DCC: variants seen among roughly 807,000 people sequenced by gnomAD.
DCC encodes netrin receptor DCC.
A neutral mutation model predicts 172.5 loss-of-function variants in DCC; 58 were observed. The observed-to-expected ratio is 0.34, with a 90% CI of 0.27 to 0.42. The LOEUF (loss-of-function observed/expected upper bound fraction) is 0.42, where lower values mean the gene tolerates loss of function less well. Among genes scored for constraint, DCC ranks in the 10% least tolerant of loss-of-function variants. The probability of loss-of-function intolerance (pLI) is 1.00; values close to 1 mark genes in which losing one functional copy is unlikely to be tolerated. For missense variants in DCC, 1,740 were observed against 1,791.0 expected (o/e 0.97, Z 0.51); for synonymous variants, 709 against 644.5 (o/e 1.10, Z -1.52).
At chr18:52,696,949 A>G (rs1032879808) in intron 1 of DCC, among the ~76,000 whole-genome samples, 1 of 152,192 alleles carries the variant, frequency 6.6e-6, no homozygotes, top group South Asian at 2.1e-4. Context: ...GGGACCAAGT[A>G]TCTGCTGCAC....
chr18:52,396,281 A>AACCCCCCCCCCCC (rs1568149503), intron 1 of DCC, among the ~76,000 whole-genome samples: 2 of 114,298 alleles, frequency 1.7e-5, no homozygotes, highest in Admixed American at 1.0e-4. Context: ...CCTGCACCAC[A>AACCCCCCCCCCCC]CCCCCCCCCC....
chr18:52,365,363 T>C (rs1325925458), intron 1 of DCC, among the ~76,000 whole-genome samples: 2 of 152,254 alleles, frequency 1.3e-5, no homozygotes, highest in Non-Finnish European at 2.9e-5. Context: ...CCTTGAAAAC[T>C]GTTTAATGAA....
At chr18:53,139,949 C>T (rs1047171058) in intron 7 of DCC, among the ~76,000 whole-genome samples, 2 of 152,120 alleles carry the variant, frequency 1.3e-5, no homozygotes, top group South Asian at 2.1e-4. Flanking sequence ...AAAAGGCAGA[C>T]GGTATTTATC....
intron 1 of DCC, among the ~76,000 whole-genome samples, chr18:52,575,561 T>C (rs1034846698): frequency 6.6e-6 from 1 of 152,182 alleles, no homozygotes; most frequent in Non-Finnish European, 1.5e-5. Flanking sequence ...CTAAACATGA[T>C]TTCCTACCAT....
At chr18:52,819,429 T>G (rs1453578802) in intron 2 of DCC, among the ~76,000 whole-genome samples, 1 of 152,234 alleles carries the variant, frequency 6.6e-6, no homozygotes, top group African/African-American at 2.4e-5. Flanking sequence ...ATTACATAAA[T>G]TAGCTGAAAA....
chr18:53,084,152 G>A (rs1412426417), intron 7 of DCC, among the ~76,000 whole-genome samples: 1 of 152,172 alleles, frequency 6.6e-6, no homozygotes. Flanking sequence ...TTCTGGTGAA[G>A]GCTCTTTACA....
At chr18:52,832,937 T>C (rs2038643389) in intron 2 of DCC, among the ~76,000 whole-genome samples, 1 of 152,096 alleles carries the variant, frequency 6.6e-6, no homozygotes, top group Non-Finnish European at 1.5e-5. Context: ...AAATTTAAAA[T>C]GTACATATTA....
intron 22 of DCC, among the ~76,000 whole-genome samples, chr18:53,438,322 A>G (rs1184828889): frequency 1.3e-5 from 2 of 152,248 alleles, no homozygotes; most frequent in East Asian, 3.8e-4. Flanking sequence ...TATGAGGCTT[A>G]AAGCTTGGGC....
At chr18:52,685,653 TG>T (rs2035819156) in intron 1 of DCC, among the ~76,000 whole-genome samples, 1 of 152,086 alleles carries the variant, frequency 6.6e-6, no homozygotes, top group Non-Finnish European at 1.5e-5. Flanking sequence ...TCTCTGGCCA[TG>T]GGAAATAGCA....
At chr18:53,435,835 T>C (rs1911907270) in intron 22 of DCC, among the ~76,000 whole-genome samples, 2 of 152,170 alleles carry the variant, frequency 1.3e-5, no homozygotes, top group Admixed American at 6.5e-5. Flanking sequence ...GGGGCTGCAT[T>C]CCAGGATCTT....
At chr18:53,168,151 T>C (rs2054952616) in intron 8 of DCC, among the ~76,000 whole-genome samples, 1 of 152,156 alleles carries the variant, frequency 6.6e-6, no homozygotes, top group South Asian at 2.1e-4. Flanking sequence ...TGGAAGACGG[T>C]GTAGCGATTC....
chr18:53,163,216 G>T (rs537361576), intron 8 of DCC, among the ~76,000 whole-genome samples: 320 of 152,254 alleles, frequency 2.1e-3, no homozygotes, highest in African/African-American at 7.5e-3. Context: ...AAACTGATCA[G>T]AACTGATATG....
intron 1 of DCC, among the ~76,000 whole-genome samples, chr18:52,343,100 C>T (rs536452310): frequency 6.6e-6 from 1 of 152,276 alleles, no homozygotes; most frequent in African/African-American, 2.4e-5. Flanking sequence ...GCAAGTGAGT[C>T]GTGATGCAGT....
chr18:52,644,367 A>G (rs1209199233), intron 1 of DCC, among the ~76,000 whole-genome samples: 2 of 152,162 alleles, frequency 1.3e-5, no homozygotes, highest in African/African-American at 2.4e-5. Context: ...TCATGAGGTC[A>G]GGAGATCGAG....
chr18:52,998,977 A>G (rs2041524367), intron 5 of DCC, among the ~76,000 whole-genome samples: 1 of 152,056 alleles, frequency 6.6e-6, no homozygotes, highest in Non-Finnish European at 1.5e-5. Flanking sequence ...ACTAAAAGGG[A>G]GTGTGGACAA....
chr18:53,001,285 T>G (rs1187671453), intron 5 of DCC, among the ~76,000 whole-genome samples: 1 of 152,098 alleles, frequency 6.6e-6, no homozygotes, highest in Non-Finnish European at 1.5e-5. Flanking sequence ...GTTCATAAGT[T>G]TGTCTAAAAG....
chr18:53,308,509 T>C (rs997534637), intron 13 of DCC, among the ~76,000 whole-genome samples: 36 of 152,178 alleles, frequency 2.4e-4, no homozygotes, highest in Admixed American at 2.0e-3. Context: ...TTCCCACTAA[T>C]GCTAACTCAA....
At chr18:53,095,204 T>C (rs144741977) in intron 7 of DCC, among the ~76,000 whole-genome samples, 1 of 152,336 alleles carries the variant, frequency 6.6e-6, no homozygotes, top group East Asian at 1.9e-4. Context: ...CAATTGTTAT[T>C]GCCAGTGCTC....
At chr18:53,278,511 G>T (rs2056832070) in intron 12 of DCC, among the ~76,000 whole-genome samples, 1 of 152,072 alleles carries the variant, frequency 6.6e-6, no homozygotes, top group African/African-American at 2.4e-5. Flanking sequence ...CATTAATGAG[G>T]TAGAGGTAAA....
Sources: allele counts gnomAD v4.1 joint callset (sites outside exome capture counted in the v4.1 genomes callset), GRCh38; gene constraint gnomAD v4.1.1; transcripts MANE v1.5; gene names NCBI Gene and HGNC (gene_info 2026-07-23, HGNC 2026-07-21).